Variants in MAST4 observed in about 807,000 individuals in gnomAD.
The protein encoded by MAST4 is microtubule associated serine/threonine kinase family member 4.
In MAST4, 89 loss-of-function variants were observed where a neutral mutation model predicts 162.7. The ratio of observed to expected loss-of-function variants is 0.55; its 90% CI spans 0.46 to 0.65. MAST4 has a LOEUF of 0.65. Among genes scored for constraint, MAST4 ranks in the 30% least tolerant of loss-of-function variants. MAST4 has a pLI of 0.00. For synonymous variants in MAST4, 1,479 were observed against 1,361.1 expected (o/e 1.09, Z -1.91); for missense variants, 3,153 against 3,374.0 (o/e 0.93, Z 1.62).
intron 1 of MAST4, among the ~76,000 whole-genome samples, chr5:66,668,982 C>A (rs930153058): frequency 6.6e-6 from 1 of 152,192 alleles, no homozygotes; most frequent in African/African-American, 2.4e-5. Flanking sequence ...GGGAAAAAAG[C>A]ACCCAGGAAG....
intron 3 of MAST4, among the ~76,000 whole-genome samples, chr5:66,872,976 A>G (rs142059206): frequency 0.015 from 2,244 of 152,300 alleles, 25 homozygotes; most frequent in Middle Eastern, 0.024. Flanking sequence ...AGTGTGTTCT[A>G]TAGTACACTA....
chr5:67,068,435 G>A lies in MAST4; in HGVS notation c.763+13943G>A, dbSNP rs73117376. On this transcript the variant is annotated intron_variant, in intron 5 of 28. Transcript: ENST00000403625. ...GTGAGAGCAAGCAGGGGAAATGCCA[G>A]ATGATTATAAGGCCGTCAGATCTTG... is the stretch of plus-strand genomic sequence containing the variant. Among the ~76,000 whole-genome samples, 839 of 152,256 alleles carry A rather than the reference G, an allele frequency of 5.5e-3. 8 individuals carry two copies. Among genetic ancestry groups the A allele is most frequent in the African/African-American group, 0.019 (802 of 41,566 alleles).
At chr5:66,853,243 C>T (rs1040153769) in intron 3 of MAST4, among the ~76,000 whole-genome samples, 10 of 152,122 alleles carry the variant, frequency 6.6e-5, no homozygotes, top group African/African-American at 2.2e-4. Context: ...TTAATCTACC[C>T]GGAGTAAGTG....
In MAST4 at chr5:66,963,655, T is replaced by C. The variant is rs1746295480; in HGVS notation, c.674+63673T>C. ...ACAGTCCCTTAACTGAGCTATGCTA[T>C]TTTTACTGCAATCAATTCTCCCACT... On this transcript the variant is annotated intron_variant, in intron 4 of 28. Transcript: ENST00000403625. 9 of 778,330 alleles carry C rather than the reference T, an allele frequency of 1.2e-5. 1 individual carries two copies. In the Middle Eastern group the frequency reaches 1.8e-3, roughly 156 times the overall value. The allele number at this position is 778,330 out of a possible 1,614,324, so 48.2% of individuals were successfully genotyped here.
In MAST4 at chr5:67,118,729, G is replaced by C. The variant is rs762206567; in HGVS notation, c.1639G>C (p.Glu547Gln). The C allele has an allele frequency of 6.4e-7, 1 of 1,572,384 alleles. No homozygotes were observed. ...CGATAGTGGGACAGCAGAAACACCA[G>C]AAACAGATGAATCAGTGAGTGTAAG... ...NYDSGTAETPETDESVSSSNA... is the reference protein window; with the variant it reads ...NYDSGTAETPQTDESVSSSNA... Residue 547 changes from glutamate to glutamine, a missense_variant, in exon 13 of 29, where the codon GAA becomes CAA. Coordinates refer to ENST00000403625, the MANE Select transcript of MAST4 (RefSeq NM_001164664.2).
In MAST4 at chr5:67,164,295, C is replaced by G. The variant is rs1773598342; in HGVS notation, c.5116C>G (p.Leu1706Val). Residue 1706 changes from leucine (L) to valine (V), a missense_variant, in exon 29 of 29, where the codon CTG becomes GTG. Physicochemically the swap from Leu to Val is conservative, Grantham distance 32 (BLOSUM62 1). Around this residue, in one of 7 missense-constraint regions of MAST4, gnomAD observed 1,644 missense variants for 1,495.0 expected, o/e 1.10. Transcript: ENST00000403625. This position sits in a 1 kb window ranked among gnomAD's most constrained non-coding sequence, Gnocchi z 5.3. ...EDKEDNLCPV[L>V]KPKMTAGSHE... ...CAAAGAGGACAACCTCTGCCCTGTG[C>G]TGAAGCCCAAGATGACAGCTGGCTC... The G allele has an allele frequency of 1.9e-6, 3 of 1,614,002 alleles. No homozygotes were observed. In the African/African-American group the frequency reaches 4.0e-5, roughly 21 times the overall value.
rs1051309643 is a variant in MAST4, at chr5:66,912,320, A to G, written c.674+12338A>G. The stretch of plus-strand genomic sequence containing the variant: ...CATGGGGCACATGAGTGGGTTTACC[A>G]GGGGGTTTGTATTTAAGCATATAAA... On this transcript the variant is annotated intron_variant, in intron 4 of 28. Transcript: ENST00000403625. Among the ~76,000 whole-genome samples, 4 of 152,328 alleles carry G rather than the reference A, an allele frequency of 2.6e-5. No individual in the cohort carries two copies. The South Asian group carries it at 8.3e-4, about 32-fold the overall frequency.
At chr5:66,820,964 G>A (rs776533165) in intron 3 of MAST4, among the ~76,000 whole-genome samples, 6 of 152,186 alleles carry the variant, frequency 3.9e-5, no homozygotes, top group African/African-American at 7.2e-5. Flanking sequence ...TGCATGTTAC[G>A]TTGTAGAAAT....
chr5:67,074,080 T>A (rs1245421118), intron 5 of MAST4, among the ~76,000 whole-genome samples: 1 of 152,092 alleles, frequency 6.6e-6, no homozygotes, highest in Non-Finnish European at 1.5e-5. Flanking sequence ...AGATCAATAT[T>A]GTTAAGTCAT....
intron 10 of MAST4, among the ~76,000 whole-genome samples, chr5:67,109,064 A>G (rs1037481429): frequency 2.6e-5 from 4 of 152,168 alleles, no homozygotes; most frequent in Admixed American, 2.0e-4. Flanking sequence ...TTTCAAGAAA[A>G]TATTATTGAA....
intron 4 of MAST4, among the ~76,000 whole-genome samples, chr5:66,993,987 A>G (rs1388788220): frequency 1.4e-5 from 2 of 140,374 alleles, no homozygotes; most frequent in Non-Finnish European, 3.0e-5. Flanking sequence ...TGATGATAAG[A>G]CAGAAACCAT....
intron 14 of MAST4, among the ~76,000 whole-genome samples, chr5:67,124,606 A>G (rs907629062): frequency 2.0e-5 from 3 of 152,204 alleles, no homozygotes; most frequent in African/African-American, 7.2e-5. Context: ...AAATCCACCC[A>G]CAACTACTTC....
intron 4 of MAST4, among the ~76,000 whole-genome samples, chr5:66,958,171 GAA>G (rs1745559800): frequency 6.6e-6 from 1 of 152,078 alleles, no homozygotes. Context: ...GAAAGAGAGA[GAA>G]AGAGAAAGAG....
At chr5:66,892,100 T>C (rs548651240) in intron 3 of MAST4, among the ~76,000 whole-genome samples, 1 of 152,358 alleles carries the variant, frequency 6.6e-6, no homozygotes, top group African/African-American at 2.4e-5. Flanking sequence ...TTATGCATCA[T>C]TATGCATCAT....
intron 4 of MAST4, among the ~76,000 whole-genome samples, chr5:67,040,738 C>T (rs1282724642): frequency 6.6e-6 from 1 of 152,234 alleles, no homozygotes; most frequent in Admixed American, 6.5e-5. Context: ...CATGTGATTT[C>T]TATGTATGAC....
intron 4 of MAST4, among the ~76,000 whole-genome samples, chr5:66,926,607 T>A (rs1379448279): frequency 6.6e-6 from 1 of 151,686 alleles, no homozygotes; most frequent in Non-Finnish European, 1.5e-5. Flanking sequence ...TATATATGTA[T>A]GTATATGTAT....
intron 1 of MAST4, among the ~76,000 whole-genome samples, chr5:66,660,160 G>A (rs1274294270): frequency 6.6e-6 from 1 of 152,196 alleles, no homozygotes; most frequent in African/African-American, 2.4e-5. Flanking sequence ...TGGCTGAGGT[G>A]GGTGGATCAC....
At chr5:66,847,787 C>T (rs988296918) in intron 3 of MAST4, among the ~76,000 whole-genome samples, 108 of 136,482 alleles carry the variant, frequency 7.9e-4, no homozygotes, top group African/African-American at 2.9e-3. Flanking sequence ...TGCCACTACT[C>T]TCCAGCCTGG....
intron 5 of MAST4, among the ~76,000 whole-genome samples, chr5:67,066,419 T>G (rs1298067778): frequency 1.3e-5 from 2 of 150,908 alleles, no homozygotes; most frequent in African/African-American, 2.4e-5. Context: ...TAAATTTATA[T>G]AAATATGATT....
Sources: allele counts gnomAD v4.1 joint callset (sites outside exome capture counted in the v4.1 genomes callset), GRCh38; gene constraint gnomAD v4.1.1; regional missense constraint gnomAD v4.1.1; non-coding constraint Gnocchi (gnomAD v3.1); transcripts MANE v1.5; gene names NCBI Gene and HGNC (gene_info 2026-07-23, HGNC 2026-07-21).